CCDC141: variants seen among roughly 807,000 people sequenced by gnomAD.
CCDC141 encodes coiled-coil domain-containing protein 141.
CCDC141 carries 168 observed loss-of-function variants against 181.0 expected under a neutral mutation model. The ratio of observed to expected loss-of-function variants is 0.93; its 90% CI spans 0.82 to 1.05. The LOEUF is 1.05. Ranked by LOEUF, CCDC141 falls within the 50% of genes least tolerant of loss-of-function variation. The pLI is 0.00. For synonymous variants in CCDC141, 666 were observed against 642.3 expected, an observed-to-expected ratio of 1.04 and a Z score of -0.56; for missense variants, 1,902 against 1,788.5, an observed-to-expected ratio of 1.06 and a Z score of -1.14.
chr2:178,841,713 C>T (rs1004467791), intron 22 of CCDC141, among the ~76,000 whole-genome samples: 11 of 152,166 alleles, frequency 7.2e-5, no homozygotes, highest in Non-Finnish European at 1.5e-4. Flanking sequence ...GGCACAATCT[C>T]GGCTCACTAC....
chr2:178,967,072 A>T (rs190899518), intron 4 of CCDC141, among the ~76,000 whole-genome samples: 1,852 of 152,134 alleles, frequency 0.012, 103 homozygotes, highest in Admixed American at 0.1. Context: ...AAAAAGGAAC[A>T]AGCAAAGCCT....
rs1436162835 is a variant in CCDC141 at position 179,043,821 on chromosome 2, C to G, written c.225+3463G>C. ...GGAAGTTGTGGCCAGGGCAATCAGG[C>G]AAGAGAAACAAATGAATAGGAAGAG... On this transcript the variant is annotated intron_variant, in intron 2 of 23. Transcript: ENST00000443758. Among the ~76,000 whole-genome samples the G allele has an allele frequency of 5.3e-5, 8 of 152,212 alleles. No individual in the cohort carries two copies. The South Asian group carries it at 8.3e-4, about 16-fold the overall frequency.
chr2:178,953,480 C>T (rs907315715), intron 5 of CCDC141, among the ~76,000 whole-genome samples: 9 of 151,926 alleles, frequency 5.9e-5, no homozygotes, highest in Non-Finnish European at 1.0e-4. Context: ...CCCCAAATTC[C>T]ACTTTTGGGA....
intron 2 of CCDC141, among the ~76,000 whole-genome samples, chr2:179,019,636 G>A (rs1171467147): frequency 1.3e-5 from 2 of 152,010 alleles, no homozygotes; most frequent in African/African-American, 4.8e-5. Flanking sequence ...TTATTCTATA[G>A]TAGGAAACTA....
chr2:179,005,607 A>G (rs752908048), intron 2 of CCDC141, among the ~76,000 whole-genome samples: 18 of 152,084 alleles, frequency 1.2e-4, no homozygotes, highest in Non-Finnish European at 1.8e-4. Flanking sequence ...CACTGCTTCA[A>G]TACTGTGTTT....
At chr2:178,989,641 T>TAAAA (rs1379740723) in intron 2 of CCDC141, among the ~76,000 whole-genome samples, 11 of 146,046 alleles carry the variant, frequency 7.5e-5, no homozygotes, top group East Asian at 4.1e-4. Flanking sequence ...AATAAATAAA[T>TAAAA]AAAACAATAG....
intron 2 of CCDC141, among the ~76,000 whole-genome samples, chr2:179,019,703 G>T (rs1280210823): frequency 6.6e-6 from 1 of 151,832 alleles, no homozygotes; most frequent in Non-Finnish European, 1.5e-5. Flanking sequence ...CAATACATTG[G>T]TATAGCTCTT....
intron 23 of CCDC141, 182 bp downstream of exon 23, chr2:178,836,712 A>T: frequency 1.7e-6 from 1 of 593,240 alleles, no homozygotes; most frequent in Non-Finnish European, 2.8e-6. Flanking sequence ...TTTTTCTTAA[A>T]GGTATTAACT....
At chr2:178,990,499 A>G (rs914602111) in intron 2 of CCDC141, among the ~76,000 whole-genome samples, 1 of 148,880 alleles carries the variant, frequency 6.7e-6, no homozygotes, top group African/African-American at 2.5e-5. Flanking sequence ...GTATTGATAC[A>G]TAGTACAAAA....
Position 178,852,717 on chromosome 2 carries a change from G to A in CCDC141, c.3244+724C>T, listed in dbSNP as rs565089230. Reference sequence around the variant, plus strand: ...CTTCTTTCTGGGCTGCATTTGCCTGGTCACTGGGAATTACTCTGGGTCTCA... The same window carrying A: ...CTTCTTTCTGGGCTGCATTTGCCTGATCACTGGGAATTACTCTGGGTCTCA... On this transcript the variant is annotated intron_variant, in intron 20 of 23. Transcript: ENST00000443758. 1.1e-3 allele frequency among the ~76,000 whole-genome samples: 174 copies of A among 152,154 alleles called. 1 individual carries two copies. Among genetic ancestry groups the A allele is most frequent in the Non-Finnish European group, 1.6e-3 (110 of 68,044 alleles).
chr2:178,977,735 C>T (rs1452486230), intron 3 of CCDC141, among the ~76,000 whole-genome samples: 1 of 152,150 alleles, frequency 6.6e-6, no homozygotes, highest in Non-Finnish European at 1.5e-5. Context: ...CATAATGAAG[C>T]AGTGCTCTTA....
At chr2:178,991,673 A>G (rs1224668997) in intron 2 of CCDC141, among the ~76,000 whole-genome samples, 1 of 152,138 alleles carries the variant, frequency 6.6e-6, no homozygotes, top group Admixed American at 6.5e-5. Flanking sequence ...AACTAAAAGT[A>G]AAGATTTTTA....
chr2:178,980,265 C>T (rs1378661956), intron 2 of CCDC141, among the ~76,000 whole-genome samples: 2 of 151,996 alleles, frequency 1.3e-5, no homozygotes, highest in South Asian at 4.2e-4. Context: ...CTGGCTAACA[C>T]AGTGAAACGC....
chr2:178,835,550 T>C (rs1438607276), intron 23 of CCDC141, among the ~76,000 whole-genome samples: 1 of 152,232 alleles, frequency 6.6e-6, no homozygotes, highest in Non-Finnish European at 1.5e-5. Flanking sequence ...TGCCTTTTCT[T>C]GGGTATCCTA....
At position 178,871,315 on chromosome 2, in the gene CCDC141, T is replaced by C. The variant is rs964452261; in HGVS notation, c.2205+112A>G. On this transcript the variant is annotated intron_variant, in intron 14 of 23. Coordinates refer to ENST00000443758, the MANE Select transcript of CCDC141 (RefSeq NM_173648.4). ...TGGATTTTTAGACAAGCAATACTTTTGTTTAAAAAAATAGAAATTCACCAG... is the reference window on the plus strand; with the variant it reads ...TGGATTTTTAGACAAGCAATACTTTCGTTTAAAAAAATAGAAATTCACCAG... 1.1e-5 allele frequency: 14 copies of C among 1,255,472 alleles called. No homozygotes were observed. The African/African-American group carries it at 1.8e-4, about 16-fold the overall frequency. 77.8% of individuals were successfully genotyped at this position (1,255,472 alleles called of 1,614,324 possible). A position where few individuals can be genotyped will look rare whatever the true frequency, so the allele number is the denominator to read the frequency against.
chr2:178,904,575 C>A (rs1330557149), intron 8 of CCDC141, among the ~76,000 whole-genome samples: 1 of 151,500 alleles, frequency 6.6e-6, no homozygotes, highest in Non-Finnish European at 1.5e-5. Flanking sequence ...GGGTTTAACC[C>A]ATTTATAATT....
At chr2:179,003,977 A>C (rs545344858) in intron 2 of CCDC141, among the ~76,000 whole-genome samples, 1 of 152,314 alleles carries the variant, frequency 6.6e-6, no homozygotes, top group African/African-American at 2.4e-5. Context: ...ATTGTATCAC[A>C]TATGCTGATG....
intron 7 of CCDC141, 63 bp from the exon 8 acceptor site, chr2:178,905,564 C>A: frequency 7.3e-7 from 1 of 1,373,530 alleles, no homozygotes; most frequent in Non-Finnish European, 9.7e-7. Flanking sequence ...TCAACGTGTA[C>A]ACAAAACACT....
chr2:179,035,296 G>C (rs1290173809), intron 2 of CCDC141, among the ~76,000 whole-genome samples: 1 of 151,988 alleles, frequency 6.6e-6, no homozygotes, highest in Non-Finnish European at 1.5e-5. Flanking sequence ...TTTCACGTTA[G>C]AGAAACTCAG....
Sources: gnomAD v4.1 joint callset for allele counts (sites outside exome capture counted in the v4.1 genomes callset) on GRCh38, gnomAD v4.1.1 for gene constraint, MANE v1.5 for transcripts, NCBI Gene and HGNC (gene_info 2026-07-23, HGNC 2026-07-21) for gene names.